Variants in HSPBP1 observed in about 807,000 individuals in gnomAD.
HSPBP1 encodes the protein hsp70-binding protein 1.
Under a neutral mutation model 41.7 loss-of-function variants are expected in HSPBP1, and 31 were observed. The observed-to-expected ratio is 0.74, with a 90% CI of 0.56 to 1.00. The LOEUF (loss-of-function observed/expected upper bound fraction) is 1.00. Ranked by LOEUF, HSPBP1 falls within the 50% of genes least tolerant of loss-of-function variation. The probability of loss-of-function intolerance (pLI) is 0.00; values close to 1 mark genes in which losing one functional copy is unlikely to be tolerated. For missense variants in HSPBP1, 439 were observed against 487.9 expected (o/e 0.90, Z 0.94); for synonymous variants, 199 against 214.4 (o/e 0.93, Z 0.63).
At chr19:55,269,009 T>C (rs372566212) in intron 4 of HSPBP1, among the ~76,000 whole-genome samples, 9 of 152,262 alleles carry the variant, frequency 5.9e-5, no homozygotes, top group African/African-American at 2.2e-4. Flanking sequence ...AGAACAGGCA[T>C]GCATGGACTG....
At position 55,262,259 on chromosome 19, in the gene HSPBP1, G is replaced by C. The variant is rs968759865; in HGVS notation, c.*349C>G. 12 of 555,054 alleles carry C rather than the reference G, an allele frequency of 2.2e-5. No homozygotes were observed. Among genetic ancestry groups the C allele is most frequent in the Non-Finnish European group, 2.9e-5 (12 of 418,770 alleles). The allele number at this position is 555,054 out of a possible 1,614,324, so 34.4% of individuals were successfully genotyped here. A position where few individuals can be genotyped will look rare whatever the true frequency, so the allele number is the denominator to read the frequency against. Reference sequence around the variant, plus strand: ...GAGCAACACTTTTATTATTCTTCCAGTGGCTCCCCAAGTCCCTTAAACCCG... The same window carrying C: ...GAGCAACACTTTTATTATTCTTCCACTGGCTCCCCAAGTCCCTTAAACCCG... On this transcript the variant is annotated 3_prime_UTR_variant, in exon 8 of 8. Coordinates refer to ENST00000433386, the MANE Select transcript of HSPBP1 (RefSeq NM_012267.5).
chr19:55,265,569 C>T (rs1283770387), intron 6 of HSPBP1, among the ~76,000 whole-genome samples, 180 bp from the exon 7 acceptor site: 2 of 152,066 alleles, frequency 1.3e-5, no homozygotes, highest in African/African-American at 4.8e-5. Context: ...AGGGTGGGTG[C>T]TGAGGGGCTC....
chr19:55,274,370 C>CCCCCT, intron 4 of HSPBP1, 28 bp downstream of exon 4: 1 of 1,415,202 alleles, frequency 7.1e-7, no homozygotes, highest in Non-Finnish European at 9.5e-7. Context: ...GCCAGCACCC[C>CCCCCT]TGTCCCCAGC....
At chr19:55,280,156 C>CA (rs1728507287), upstream of HSPBP1, 1 of 189,268 alleles carries the variant, frequency 5.3e-6, no homozygotes, top group Non-Finnish European at 1.1e-5. Context: ...CAGGCGTACC[C>CA]ACCCAACTTC....
chr19:55,262,382 CT>C lies in HSPBP1; in HGVS notation c.*225del. ...AAGAGAAACACCTTTATTGGAAGAG[CT>C]GTGTGGACAAGAGAACGGGGATGAG... On this transcript the variant is annotated 3_prime_UTR_variant, in exon 8 of 8. Coordinates refer to ENST00000433386, the MANE Select transcript of HSPBP1 (RefSeq NM_012267.5). 7.3e-7 allele frequency: 1 copy of C among 1,367,794 alleles called. No homozygotes were observed. Among genetic ancestry groups the C allele is most frequent in the African/African-American group, 1.5e-5 (1 of 68,492 alleles). 84.7% of individuals were successfully genotyped at this position (1,367,794 alleles called of 1,614,324 possible).
chr19:55,265,823 A>G (rs2087758928), intron 6 of HSPBP1, 63 bp downstream of exon 6: 14 of 1,108,790 alleles, frequency 1.3e-5, no homozygotes, highest in Non-Finnish European at 1.3e-6. Flanking sequence ...TTCCTGAGCC[A>G]CCCCCACCTT....
chr19:55,274,282 G>A lies in HSPBP1; in HGVS notation c.640+116C>T. 8 of 1,004,740 alleles carry A rather than the reference G, an allele frequency of 8.0e-6. No homozygotes were observed. The South Asian group carries it at 9.3e-5, about 12-fold the overall frequency. 62.2% of individuals were successfully genotyped at this position (1,004,740 alleles called of 1,614,324 possible). A position where few individuals can be genotyped will look rare whatever the true frequency, so the allele number is the denominator to read the frequency against. ...AGCCGTGCAGGGGTCCAACAAGCAT[G>A]GGAACAAACGAGGGAAGGAGATGCC... On this transcript the variant is annotated intron_variant, in intron 4 of 7. Transcript: ENST00000433386.
chr19:55,265,468 C>A, intron 6 of HSPBP1, 79 bp from the exon 7 acceptor site: 1 of 1,108,080 alleles, frequency 9.0e-7, no homozygotes. Flanking sequence ...CGCCCCGTCC[C>A]CTGGCTCACT....
intron 4 of HSPBP1, among the ~76,000 whole-genome samples, chr19:55,271,118 T>A (rs1169767466): frequency 6.6e-6 from 1 of 152,160 alleles, no homozygotes; most frequent in Non-Finnish European, 1.5e-5. Flanking sequence ...TTCTCTGGAA[T>A]GGGGACCAGG....
rs188088923 is a variant in HSPBP1, at chr19:55,275,118, C to T, written c.416-496G>A. Among the ~76,000 whole-genome samples the T allele has an allele frequency of 2.4e-4, 37 of 152,306 alleles. 2 individuals carry two copies. The East Asian group carries it at 7.1e-3, about 29-fold the overall frequency. On this transcript the variant is annotated intron_variant, in intron 3 of 7. Transcript: ENST00000433386. ...TCCAAACACCCAACCAGAGGTCCCC[C>T]CAAGGCTAGTACAACTCGATTCCAT...
At position 55,279,609 on chromosome 19, in the gene HSPBP1, G is replaced by A. The variant is rs936331990; in HGVS notation, c.-1C>T. 1 of 1,583,200 alleles carries A rather than the reference G, an allele frequency of 6.3e-7. No homozygotes were observed. Among genetic ancestry groups the A allele is most frequent in the East Asian group, 2.3e-5 (1 of 43,280 alleles). On this transcript the variant is annotated 5_prime_UTR_variant, in exon 2 of 8. Coordinates refer to ENST00000433386, the MANE Select transcript of HSPBP1 (RefSeq NM_012267.5). ...TCCCCCTTGAGCCTTCGTCTGACATGGGCCGTTTGTGAAGAAGGGAAGAAT... is the reference window on the plus strand; with the variant it reads ...TCCCCCTTGAGCCTTCGTCTGACATAGGCCGTTTGTGAAGAAGGGAAGAAT...
chr19:55,279,400 T>C lies in HSPBP1; in HGVS notation c.209A>G (p.Glu70Gly), dbSNP rs1164468168. The C allele has an allele frequency of 1.3e-6, 2 of 1,585,906 alleles. No individual in the cohort carries two copies. Among genetic ancestry groups the C allele is most frequent in the African/African-American group, 2.8e-5 (2 of 72,620 alleles). Residue 70 changes from glutamate to glycine, a missense_variant and splice_region_variant, in exon 2 of 8, where the codon GAG becomes GGG. Physicochemically the swap from Glu to Gly is moderately conservative, Grantham distance 98. Transcript: ENST00000433386. ...PDPPPEPMSE[E>G]RRQWLQEAMS... Reference sequence around the variant, plus strand: ...GCTTCTTGGGTCCCCATCCTTTACCTCCTCACTCATCGGTTCTGGAGGAGG... The same window carrying C: ...GCTTCTTGGGTCCCCATCCTTTACCCCCTCACTCATCGGTTCTGGAGGAGG...
chr19:55,274,336 G>GGC, intron 4 of HSPBP1, 62 bp downstream of exon 4: 3 of 788,048 alleles, frequency 3.8e-6, no homozygotes, highest in African/African-American at 1.9e-5. Flanking sequence ...GATCCCGGGG[G>GGC]CCCACCCGGC....
rs188092609 is a variant in HSPBP1, at chr19:55,272,987, G to A, written c.640+1411C>T. ...CACTGAATACACTAAGAAGTACTACGTTGTTTTTCTGGTTTTTGTGTTTGT... is the reference window on the plus strand; with the variant it reads ...CACTGAATACACTAAGAAGTACTACATTGTTTTTCTGGTTTTTGTGTTTGT... On this transcript the variant is annotated intron_variant, in intron 4 of 7. Transcript: ENST00000433386. The surrounding 1 kb of genome is among the most constrained non-coding windows in gnomAD (Gnocchi z 4.2). 2.0e-5 allele frequency among the ~76,000 whole-genome samples: 3 copies of A among 152,256 alleles called. No individual in the cohort carries two copies. The highest frequency in any genetic ancestry group is 1.3e-4 in the Admixed American group (2 of 15,284).
At chr19:55,271,743 G>C (rs1457420566) in intron 4 of HSPBP1, among the ~76,000 whole-genome samples, 1 of 152,210 alleles carries the variant, frequency 6.6e-6, no homozygotes, top group Non-Finnish European at 1.5e-5. Context: ...TCAATGACCA[G>C]ATAGGCTGCT....
intron 4 of HSPBP1, among the ~76,000 whole-genome samples, chr19:55,266,505 TCACCAC>T (rs1272088443): frequency 2.6e-4 from 4 of 15,648 alleles, no homozygotes; most frequent in African/African-American, 4.3e-4. Flanking sequence ...ACTATCACCA[TCACCAC>T]CACCACCATC....
At chr19:55,266,080 AC>A in intron 5 of HSPBP1, 50 bp downstream of exon 5, 1 of 1,576,036 alleles carries the variant, frequency 6.3e-7, no homozygotes, top group Non-Finnish European at 8.6e-7. Flanking sequence ...ACCTGCACCC[AC>A]CCCAGGGCGT....
At chr19:55,266,058 C>A in intron 5 of HSPBP1, 73 bp downstream of exon 5, 1 of 1,563,970 alleles carries the variant, frequency 6.4e-7, no homozygotes, top group Non-Finnish European at 8.7e-7. Context: ...CCTGTTCCTC[C>A]CCTTCTCCCA....
At position 55,265,394 on chromosome 19, in the gene HSPBP1, G is replaced by A. The variant is rs1337464597; in HGVS notation, c.894-5C>T. The A allele has an allele frequency of 2.5e-6, 4 of 1,611,592 alleles. No individual in the cohort carries two copies. The highest frequency in any genetic ancestry group is 1.7e-5 in the Admixed American group (1 of 59,968). On this transcript the variant is annotated splice_region_variant and splice_polypyrimidine_tract_variant and intron_variant, in intron 6 of 7. Coordinates refer to ENST00000433386, the MANE Select transcript of HSPBP1 (RefSeq NM_012267.5). Reference sequence around the variant, plus strand: ...TGCGGAAAGTCTGTCACCAGGCTGTGAGGGACATGACAGCGGCCCTTAGGA... The same window carrying A: ...TGCGGAAAGTCTGTCACCAGGCTGTAAGGGACATGACAGCGGCCCTTAGGA...
Sources: allele counts gnomAD v4.1 joint callset (sites outside exome capture counted in the v4.1 genomes callset), GRCh38; gene constraint gnomAD v4.1.1; non-coding constraint Gnocchi (gnomAD v3.1); transcripts MANE v1.5; gene names NCBI Gene and HGNC (gene_info 2026-07-23, HGNC 2026-07-21).